The following CACNA1B variants were observed in gnomAD, a reference collection of about 807,000 sequenced individuals.
CACNA1B encodes voltage-dependent N-type calcium channel subunit alpha-1B.
In CACNA1B, 70 loss-of-function variants were observed where a neutral mutation model predicts 247.2. That is an observed-to-expected ratio of 0.28 (90% CI 0.23 to 0.35). The LOEUF (loss-of-function observed/expected upper bound fraction) is 0.35. Ranked by LOEUF, CACNA1B falls within the 10% of genes least tolerant of loss-of-function variation. The probability of loss-of-function intolerance (pLI) is 1.00; values close to 1 mark genes in which losing one functional copy is unlikely to be tolerated. For synonymous variants in CACNA1B, 1,231 were observed against 1,294.4 expected, an observed-to-expected ratio of 0.95 and a Z score of 1.05; for missense variants, 2,367 against 3,197.4, an observed-to-expected ratio of 0.74 and a Z score of 6.26.
rs528579159 is a variant in CACNA1B, at chr9:138,078,325, A to G, written c.5094+67A>G. ...TCTCGGTACAGCTCAGGCTTCTCCCACATCTCCTGCTGATCCCTGACTCTG... is the reference window on the plus strand; with the variant it reads ...TCTCGGTACAGCTCAGGCTTCTCCCGCATCTCCTGCTGATCCCTGACTCTG... On this transcript the variant is annotated intron_variant, in intron 36 of 46. Transcript: ENST00000371372. 6.7e-6 allele frequency: 10 copies of G among 1,481,678 alleles called. No individual in the cohort carries two copies. In the East Asian group the frequency reaches 1.8e-4, roughly 27 times the overall value. 91.8% of individuals were successfully genotyped at this position (1,481,678 alleles called of 1,614,324 possible).
intron 6 of CACNA1B, among the ~76,000 whole-genome samples, chr9:137,925,272 AT>A (rs746146571): frequency 3.5e-4 from 53 of 152,336 alleles, no homozygotes; most frequent in Admixed American, 9.1e-4. Flanking sequence ...TCAGAGAGGT[AT>A]AGGGGGAGGC....
chr9:138,066,570 G>T (rs1004142570), intron 31 of CACNA1B, among the ~76,000 whole-genome samples: 2 of 152,160 alleles, frequency 1.3e-5, no homozygotes, highest in Non-Finnish European at 2.9e-5. Flanking sequence ...GAAGCAGAGC[G>T]ATCACAGGGC....
Position 137,955,723 on chromosome 9 carries a change from G to T in CACNA1B, c.1096G>T (p.Val366Leu). ...SGEFAKERER[V>L]ENRRAFLKLR... is the part of the protein sequence containing the mutation. ...GGAGTTTGCCAAGGAGCGAGAGAGG[G>T]TGGAGAACCGCCGCGCCTTCCTGAA... Residue 366 changes from valine to leucine, a missense_variant, in exon 8 of 47, where the codon GTG becomes TTG. Around this residue, in one of 12 missense-constraint regions of CACNA1B, gnomAD observed 219 missense variants for 297.6 expected, o/e 0.74. Transcript: ENST00000371372. The surrounding 1 kb of genome is among the most constrained non-coding windows in gnomAD (Gnocchi z 6.9). 1 of 1,612,808 alleles carries T rather than the reference G, an allele frequency of 6.2e-7. No homozygotes were observed. The highest frequency in any genetic ancestry group is 2.2e-5 in the East Asian group (1 of 44,842).
chr9:137,933,447 A>G (rs950760312), intron 6 of CACNA1B, among the ~76,000 whole-genome samples: 1 of 152,154 alleles, frequency 6.6e-6, no homozygotes, highest in Non-Finnish European at 1.5e-5. Flanking sequence ...GTACATTTAT[A>G]TTGGGCCCCA....
chr9:138,049,397 C>A, intron 24 of CACNA1B, 82 bp downstream of exon 24: 10 of 934,422 alleles, frequency 1.1e-5, no homozygotes, highest in Non-Finnish European at 1.8e-6. Flanking sequence ...AAGGAAGAGG[C>A]CCTCTTGTGG....
intron 6 of CACNA1B, among the ~76,000 whole-genome samples, chr9:137,949,678 G>T (rs1335973441): frequency 6.6e-6 from 1 of 152,038 alleles, no homozygotes; most frequent in South Asian, 2.1e-4. Flanking sequence ...TCCCGATGGC[G>T]GTGGCCGGCA....
In CACNA1B at chr9:138,043,859, C is replaced by T. The variant is rs372452664; in HGVS notation, c.3372C>T (p.Ile1124=). Residue 1124 remains isoleucine (I), a synonymous_variant, in exon 21 of 47, where the codon ATC becomes ATT. Coordinates refer to ENST00000371372, the MANE Select transcript of CACNA1B (RefSeq NM_000718.4). ...TGATGAGGAGCGGCCCCCGGCCTAT[C>T]GTCCCATACAGCTCCATGTTCTGTT... ...DDVMRSGPRP[I]VPYSSMFCLS... is the part of the protein sequence containing the mutation. The T allele has an allele frequency of 2.3e-5, 37 of 1,613,904 alleles. No individual in the cohort carries two copies. Among genetic ancestry groups the T allele is most frequent in the Middle Eastern group, 1.6e-4 (1 of 6,084 alleles).
chr9:138,060,073 T>A (rs1004678664), intron 31 of CACNA1B, among the ~76,000 whole-genome samples: 1 of 152,196 alleles, frequency 6.6e-6, no homozygotes, highest in Non-Finnish European at 1.5e-5. Context: ...CAAAAATATA[T>A]AAACTGAAAC....
chr9:137,900,836 G>C (rs1957229483), intron 3 of CACNA1B, among the ~76,000 whole-genome samples: 1 of 149,608 alleles, frequency 6.7e-6, no homozygotes, highest in Non-Finnish European at 1.5e-5. Flanking sequence ...CCTTGTGTCT[G>C]TGCTGTGTGT....
rs11137374 is a variant in CACNA1B, at chr9:138,118,324, C to G, written c.5913+243C>G. Among the ~76,000 whole-genome samples, 6,222 of 27,662 alleles carry G rather than the reference C, an allele frequency of 0.22. 1,220 individuals are homozygous for G. Among genetic ancestry groups the G allele is most frequent in the Non-Finnish European group, 0.28 (4,147 of 14,570 alleles). 18.1% of individuals were successfully genotyped at this position (27,662 alleles called of 152,430 possible). A position where few individuals can be genotyped will look rare whatever the true frequency, so the allele number is the denominator to read the frequency against. ...GAACAGGGATGGGGGGTGTGTGAGA[C>G]TGGGATGGGGGATTTTGAGACTGGG... On this transcript the variant is annotated intron_variant, in intron 43 of 46. Coordinates refer to ENST00000371372, the MANE Select transcript of CACNA1B (RefSeq NM_000718.4).
intron 15 of CACNA1B, among the ~76,000 whole-genome samples, chr9:137,992,860 T>G (rs1292167093): frequency 2.0e-5 from 3 of 151,860 alleles, no homozygotes; most frequent in Non-Finnish European, 4.4e-5. Context: ...GGAATAAAAT[T>G]GGAAATCAAC....
chr9:138,058,787 A>C lies in CACNA1B; in HGVS notation c.4473+54A>C. ...CTGGCGCTGCTAGGGATTGGGATCT[A>C]ACCCTGAGGCTGAGTGGAGAGTCAG... is the stretch of plus-strand genomic sequence containing the variant. On this transcript the variant is annotated intron_variant, in intron 29 of 46. Coordinates refer to ENST00000371372, the MANE Select transcript of CACNA1B (RefSeq NM_000718.4). This position sits in a 1 kb window ranked among gnomAD's most constrained non-coding sequence, Gnocchi z 4.7. The C allele has an allele frequency of 6.7e-7, 1 of 1,503,636 alleles. No individual in the cohort carries two copies. The highest frequency in any genetic ancestry group is 1.2e-5 in the South Asian group (1 of 83,168). 93.1% of individuals were successfully genotyped at this position (1,503,636 alleles called of 1,614,324 possible).
chr9:137,986,955 C>A lies in CACNA1B; in HGVS notation c.1974+101C>A. Reference sequence around the variant, plus strand: ...TGTCATTCCCTCCCTTGTTCCTCCACACGGCCCAGATCACTGACTTTTCAG... The same window carrying A: ...TGTCATTCCCTCCCTTGTTCCTCCAAACGGCCCAGATCACTGACTTTTCAG... On this transcript the variant is annotated intron_variant, in intron 15 of 46. Coordinates refer to ENST00000371372, the MANE Select transcript of CACNA1B (RefSeq NM_000718.4). The surrounding 1 kb of genome is among the most constrained non-coding windows in gnomAD (Gnocchi z 6.0). The A allele has an allele frequency of 1.1e-6, 1 of 894,510 alleles. No individual in the cohort carries two copies. Among genetic ancestry groups the A allele is most frequent in the Non-Finnish European group, 1.9e-6 (1 of 532,504 alleles). 55.4% of individuals were successfully genotyped at this position (894,510 alleles called of 1,614,324 possible). A position where few individuals can be genotyped will look rare whatever the true frequency, so the allele number is the denominator to read the frequency against.
At chr9:138,005,771 T>C (rs1004379864) in intron 15 of CACNA1B, among the ~76,000 whole-genome samples, 1 of 151,938 alleles carries the variant, frequency 6.6e-6, no homozygotes, top group East Asian at 1.9e-4. Flanking sequence ...CGGCAGGGTG[T>C]GGCGGCTCAC....
chr9:137,909,985 G>C (rs1251283119), intron 3 of CACNA1B, among the ~76,000 whole-genome samples: 1 of 152,024 alleles, frequency 6.6e-6, no homozygotes, highest in African/African-American at 2.4e-5. Flanking sequence ...TGGCCAGGCT[G>C]GTTTTGAACT....
intron 6 of CACNA1B, among the ~76,000 whole-genome samples, chr9:137,922,457 G>T (rs1957498471): frequency 6.6e-6 from 1 of 152,150 alleles, no homozygotes; most frequent in South Asian, 2.1e-4. Context: ...GCCAGATGTT[G>T]CTGGAGGTCA....
At chr9:137,962,979 G>A (rs1047983355) in intron 10 of CACNA1B, among the ~76,000 whole-genome samples, 3 of 152,152 alleles carry the variant, frequency 2.0e-5, no homozygotes, top group African/African-American at 7.2e-5. Flanking sequence ...TTGTTGGTAG[G>A]TTGTTAAAGT....
chr9:138,046,290 C>T (rs1217228304), intron 21 of CACNA1B, among the ~76,000 whole-genome samples: 3 of 152,194 alleles, frequency 2.0e-5, no homozygotes, highest in South Asian at 2.1e-4. Context: ...GAGCAAAAGG[C>T]GAGCACGTGG....
chr9:138,113,905 C>T (rs895362804), intron 40 of CACNA1B, among the ~76,000 whole-genome samples: 10 of 141,066 alleles, frequency 7.1e-5, no homozygotes, highest in Admixed American at 1.4e-4. Context: ...CGTGAGGGAG[C>T]GCAGGAAGGT....
Sources: gnomAD v4.1 joint callset for allele counts (sites outside exome capture counted in the v4.1 genomes callset) on GRCh38, gnomAD v4.1.1 for gene constraint, gnomAD v4.1.1 regional missense constraint, Gnocchi (gnomAD v3.1) non-coding constraint, MANE v1.5 for transcripts, NCBI Gene and HGNC (gene_info 2026-07-23, HGNC 2026-07-21) for gene names.